The following FBXL13 variants were observed in gnomAD, a reference collection of about 807,000 sequenced individuals.
The protein encoded by FBXL13 is F-box and leucine-rich repeat protein 13.
FBXL13 carries 67 observed loss-of-function variants against 83.6 expected under a neutral mutation model. The ratio of observed to expected loss-of-function variants is 0.80; its 90% CI spans 0.66 to 0.98. The LOEUF is 0.98. FBXL13 is among the 50% of genes least tolerant of loss of function. The pLI is 0.00. For synonymous variants in FBXL13, 272 were observed against 299.5 expected, an observed-to-expected ratio of 0.91 and a Z score of 0.95; for missense variants, 822 against 866.5, an observed-to-expected ratio of 0.95 and a Z score of 0.64.
chr7:103,038,331 A>G (rs1297122222), intron 2 of FBXL13, among the ~76,000 whole-genome samples: 1 of 152,268 alleles, frequency 6.6e-6, no homozygotes, highest in Non-Finnish European at 1.5e-5. Context: ...GGCGGAGCCC[A>G]CCACAGCTCA....
At chr7:102,939,399 A>G in intron 8 of FBXL13, 1 of 1,578,308 alleles carries the variant, frequency 6.3e-7, no homozygotes, top group Non-Finnish European at 8.6e-7. Flanking sequence ...CAAAAAGAGC[A>G]TAATAACGTA....
chr7:103,044,715 CTT>C (rs1796098053), intron 2 of FBXL13, among the ~76,000 whole-genome samples: 1 of 152,116 alleles, frequency 6.6e-6, no homozygotes, highest in Admixed American at 6.6e-5. Flanking sequence ...TTTATATATG[CTT>C]TCTCTTGTAG....
At chr7:102,867,695 A>ATATATATTTTTTTT (rs1239781180) in intron 16 of FBXL13, among the ~76,000 whole-genome samples, 1 of 49,064 alleles carries the variant, frequency 2.0e-5, no homozygotes, top group African/African-American at 1.2e-4. Context: ...ATATATATAT[A>ATATATATTTTTTTT]TTTTTTTTTT....
At chr7:102,944,258 A>G (rs1585068833) in intron 8 of FBXL13, 1 of 1,612,500 alleles carries the variant, frequency 6.2e-7, no homozygotes, top group Non-Finnish European at 8.5e-7. Flanking sequence ...TTATCAAACA[A>G]CAGTCTGCAA....
At chr7:103,014,921 CAAAAAAAAAAAAAAAAAAAA>C (rs1166056647) in intron 6 of FBXL13, among the ~76,000 whole-genome samples, 1 of 20,626 alleles carries the variant, frequency 4.8e-5, no homozygotes, top group Non-Finnish European at 1.3e-4. Flanking sequence ...GACTCCGTCT[CAAAAAAAAAAAAAAAAAAAA>C]AAAAAAGAAA....
chr7:102,908,159 C>T (rs991797338), intron 11 of FBXL13, among the ~76,000 whole-genome samples: 1 of 152,188 alleles, frequency 6.6e-6, no homozygotes, highest in Admixed American at 6.5e-5. Flanking sequence ...AGTCTTTAAG[C>T]TCACTAATTC....
intron 17 of FBXL13, among the ~76,000 whole-genome samples, chr7:102,840,293 A>G (rs184514791): frequency 9.2e-5 from 14 of 152,344 alleles, no homozygotes; most frequent in Middle Eastern, 3.4e-3. Flanking sequence ...AATAAAAATG[A>G]ACCAGGATTG....
At chr7:102,937,754 C>T (rs1820611532) in intron 8 of FBXL13, among the ~76,000 whole-genome samples, 2 of 152,102 alleles carry the variant, frequency 1.3e-5, no homozygotes, top group South Asian at 4.1e-4. Flanking sequence ...TTTATTCTTT[C>T]AAAGCAGTAA....
intron 6 of FBXL13, among the ~76,000 whole-genome samples, chr7:102,977,289 C>T (rs1305076263): frequency 6.6e-6 from 1 of 152,168 alleles, no homozygotes; most frequent in African/African-American, 2.4e-5. Context: ...AATGCTCGCA[C>T]AACGACAAAA....
intron 8 of FBXL13, chr7:102,944,855 T>C (rs1385943641): frequency 5.1e-6 from 2 of 389,574 alleles, no homozygotes; most frequent in East Asian, 8.3e-5. Flanking sequence ...CTGCAGCAGT[T>C]GGGTCCTAAT....
chr7:102,883,254 A>G, intron 14 of FBXL13, 51 bp downstream of exon 15: 1 of 1,538,062 alleles, frequency 6.5e-7, no homozygotes, highest in South Asian at 1.2e-5. Context: ...AGAACCTGGC[A>G]CATACTAGAT....
chr7:103,070,016 T>C (rs1174642479), intron 1 of FBXL13, among the ~76,000 whole-genome samples: 1 of 150,442 alleles, frequency 6.6e-6, no homozygotes, highest in African/African-American at 2.4e-5. Context: ...GAGGCGGAGC[T>C]TGCAGTGAGC....
At chr7:102,861,023 A>G (rs1036358492) in intron 16 of FBXL13, among the ~76,000 whole-genome samples, 1 of 151,942 alleles carries the variant, frequency 6.6e-6, no homozygotes, top group African/African-American at 2.4e-5. Flanking sequence ...ACAAATATAC[A>G]TAAATTTCCC....
At chr7:102,985,264 A>C (rs564767419) in intron 6 of FBXL13, among the ~76,000 whole-genome samples, 1 of 152,364 alleles carries the variant, frequency 6.6e-6, no homozygotes, top group Admixed American at 6.5e-5. Flanking sequence ...GACTACAGTC[A>C]AATTCTCTGT....
In FBXL13 at chr7:103,018,993, T is replaced by C. The variant is rs571660332; in HGVS notation, c.495+6070A>G. On this transcript the variant is annotated intron_variant, in intron 6 of 19. Transcript: ENST00000313221. ...CAGACCTAATACACATCTACAGAAC[T>C]CTCCACCCCAAATCAACAGAATATA... is the stretch of plus-strand genomic sequence containing the variant. Among the ~76,000 whole-genome samples, 21 of 152,190 alleles carry C rather than the reference T, an allele frequency of 1.4e-4. No homozygotes were observed. The East Asian group carries it at 3.5e-3, about 25-fold the overall frequency.
chr7:102,898,902 T>A (rs1276953045), intron 11 of FBXL13, among the ~76,000 whole-genome samples: 1 of 152,014 alleles, frequency 6.6e-6, no homozygotes, highest in Non-Finnish European at 1.5e-5. Context: ...TTTTATTTAT[T>A]TAATTTAATT....
At chr7:102,949,765 C>T (rs1285007886) in intron 8 of FBXL13, among the ~76,000 whole-genome samples, 1 of 152,170 alleles carries the variant, frequency 6.6e-6, no homozygotes, top group Admixed American at 6.5e-5. Flanking sequence ...CTATCTTGAC[C>T]TCAGATACAT....
At chr7:102,837,169 G>A (rs1223006872) in intron 17 of FBXL13, among the ~76,000 whole-genome samples, 1 of 152,232 alleles carries the variant, frequency 6.6e-6, no homozygotes, top group Non-Finnish European at 1.5e-5. Flanking sequence ...CAATGGCCTT[G>A]TTCCCACTGG....
chr7:103,034,453 C>G (rs1419059308), intron 2 of FBXL13, among the ~76,000 whole-genome samples: 1 of 152,212 alleles, frequency 6.6e-6, no homozygotes, highest in African/African-American at 2.4e-5. Flanking sequence ...AGGTGCTAAG[C>G]CCCTCACTGC....
Sources: allele counts gnomAD v4.1 joint callset (sites outside exome capture counted in the v4.1 genomes callset), GRCh38; gene constraint gnomAD v4.1.1; transcripts MANE v1.5; gene names NCBI Gene and HGNC (gene_info 2026-07-23, HGNC 2026-07-21).